The following ADGRL2 variants were observed in gnomAD, a reference collection of about 807,000 sequenced individuals.
The protein encoded by ADGRL2 is calcium-independent alpha-latrotoxin receptor 2.
Under a neutral mutation model 157.4 loss-of-function variants are expected in ADGRL2, and 44 were observed. The observed-to-expected ratio is 0.28, with a 90% CI of 0.22 to 0.36. The LOEUF is 0.36. ADGRL2 is among the 10% of genes least tolerant of loss of function. The probability of loss-of-function intolerance (pLI) is 1.00; values close to 1 mark genes in which losing one functional copy is unlikely to be tolerated. For synonymous variants in ADGRL2, 585 were observed against 624.7 expected, an observed-to-expected ratio of 0.94 and a Z score of 0.95; for missense variants, 1,510 against 1,768.9, an observed-to-expected ratio of 0.85 and a Z score of 2.63.
At chr1:81,940,936 GT>G (rs5775651) in intron 4 of ADGRL2, among the ~76,000 whole-genome samples, 86,756 of 144,388 alleles carry the variant, frequency 0.6, 26,048 homozygotes, top group East Asian at 0.92. Flanking sequence ...TGTAGGAGTT[GT>G]TTTTTTTTTT....
rs140569811 is a variant in ADGRL2 at position 81,466,144 on chromosome 1, T to C, written c.-248+21055T>C. ...AGAAGACCATTATGGCTGCTTTGTC[T>C]AATGGCAAAATATTACATGGCCTAA... On this transcript the variant is annotated intron_variant, in intron 2 of 24. Coordinates refer to the ADGRL2 transcript ENST00000370721. Among the ~76,000 whole-genome samples, 1,312 of 152,346 alleles carry C rather than the reference T, an allele frequency of 8.6e-3. 21 individuals are homozygous for C. Among genetic ancestry groups the C allele is most frequent in the African/African-American group, 0.03 (1,240 of 41,588 alleles).
Position 81,515,508 on chromosome 1 carries a change from T to C in ADGRL2, c.-247-65368T>C, listed in dbSNP as rs536679974. Among the ~76,000 whole-genome samples the C allele has an allele frequency of 2.0e-5, 3 of 152,274 alleles. No homozygotes were observed. The South Asian group carries it at 6.2e-4, about 32-fold the overall frequency. ...ATAACAGTGTTCTGACATTTATTTA[T>C]GACAGTGTCTGTATAGACAGTATAG... On this transcript the variant is annotated intron_variant, in intron 2 of 24. Coordinates refer to the ADGRL2 transcript ENST00000370721.
chr1:81,720,916 T>G (rs149376438), intron 1 of ADGRL2, among the ~76,000 whole-genome samples: 9,857 of 149,976 alleles, frequency 0.066, 455 homozygotes, highest in Non-Finnish European at 0.093. Flanking sequence ...GTTTTATATA[T>G]TAACATAAAT....
chr1:81,903,536 C>T (rs188229577), intron 2 of ADGRL2, among the ~76,000 whole-genome samples: 1 of 151,898 alleles, frequency 6.6e-6, no homozygotes, highest in African/African-American at 2.4e-5. Context: ...TAGTTTCATA[C>T]TCTGTAAAAT....
chr1:81,512,695 A>T (rs78404979), intron 2 of ADGRL2, among the ~76,000 whole-genome samples: 1 of 152,020 alleles, frequency 6.6e-6, no homozygotes, highest in Admixed American at 6.6e-5. Context: ...CAGTAGGGGG[A>T]AAAAATACCC....
chr1:81,335,840 A>C (rs1661600810), intron 1 of ADGRL2, among the ~76,000 whole-genome samples: 2 of 151,924 alleles, frequency 1.3e-5, no homozygotes, highest in Non-Finnish European at 2.9e-5. Context: ...TGTTTAAAAA[A>C]AAAAAAAACA....
chr1:81,517,210 C>T (rs1557751600), intron 2 of ADGRL2, among the ~76,000 whole-genome samples: 2 of 151,940 alleles, frequency 1.3e-5, no homozygotes, highest in Non-Finnish European at 2.9e-5. Context: ...CGGTGGCTCA[C>T]GCCTGTAATC....
chr1:81,496,864 CT>C (rs1320910013), intron 2 of ADGRL2, among the ~76,000 whole-genome samples: 1 of 152,122 alleles, frequency 6.6e-6, no homozygotes, highest in Non-Finnish European at 1.5e-5. Flanking sequence ...TGGGAAACAA[CT>C]GTTTAACACA....
intron 1 of ADGRL2, among the ~76,000 whole-genome samples, chr1:81,435,453 G>A (rs979531279): frequency 2.6e-5 from 4 of 152,164 alleles, no homozygotes; most frequent in South Asian, 2.1e-4. Flanking sequence ...GCTGATTGTC[G>A]AGAGTTCAAT....
At chr1:81,706,486 G>T (rs1164319016) in intron 1 of ADGRL2, among the ~76,000 whole-genome samples, 1 of 152,200 alleles carries the variant, frequency 6.6e-6, no homozygotes, top group Admixed American at 6.5e-5. Context: ...TGTCTTTCCA[G>T]AGAAGAGCAG....
intron 1 of ADGRL2, among the ~76,000 whole-genome samples, chr1:81,441,022 C>T (rs1186729125): frequency 6.6e-6 from 1 of 152,046 alleles, no homozygotes; most frequent in Non-Finnish European, 1.5e-5. Context: ...ACACATGTTT[C>T]TCTCTCTCCC....
At chr1:81,808,891 G>A (rs1433896140) in intron 1 of ADGRL2, among the ~76,000 whole-genome samples, 2 of 152,172 alleles carry the variant, frequency 1.3e-5, no homozygotes, top group African/African-American at 4.8e-5. Flanking sequence ...AAAGCCACCG[G>A]CTGTTTTTAG....
intron 2 of ADGRL2, chr1:81,502,832 C>T (rs2078883578): frequency 6.2e-7 from 1 of 1,612,544 alleles, no homozygotes; most frequent in Non-Finnish European, 8.5e-7. Context: ...GCTGCCGCTG[C>T]CGAGGCCCCT....
chr1:81,731,902 G>A (rs1363329623), intron 1 of ADGRL2, among the ~76,000 whole-genome samples: 1 of 152,156 alleles, frequency 6.6e-6, no homozygotes, highest in African/African-American at 2.4e-5. Context: ...TCAGCTATAG[G>A]GTTGATAATC....
chr1:81,416,801 A>G (rs1025844441), intron 1 of ADGRL2, among the ~76,000 whole-genome samples: 3 of 152,172 alleles, frequency 2.0e-5, no homozygotes, highest in Non-Finnish European at 4.4e-5. Flanking sequence ...CCAAGTAGTC[A>G]TATAGGTGAA....
Position 81,951,030 on chromosome 1 carries a change from A to G in ADGRL2, c.1517A>G (p.Tyr506Cys). Residue 506 changes from tyrosine (Y) to cysteine (C), a missense_variant, in exon 8 of 24, where the codon TAT becomes TGT. Around this residue, in one of 4 missense-constraint regions of ADGRL2, gnomAD observed 325 missense variants for 333.2 expected, o/e 0.98. Transcript: ENST00000686636. ...ACATCTGTTGTAGGAACTGCCTCAT[A>G]TCTCTGCATGATTTCCACTGGAACA... ...CPKGTRGTAS[Y>C]LCMISTGTWN... 2 of 1,611,652 alleles carry G rather than the reference A, an allele frequency of 1.2e-6. No individual in the cohort carries two copies. The highest frequency in any genetic ancestry group is 1.7e-6 in the Non-Finnish European group (2 of 1,177,882).
At chr1:81,562,617 A>G (rs2080469419) in intron 2 of ADGRL2, among the ~76,000 whole-genome samples, 2 of 152,064 alleles carry the variant, frequency 1.3e-5, no homozygotes, top group Non-Finnish European at 2.9e-5. Flanking sequence ...ACTACTTCCC[A>G]GTAGATTTTT....
intron 2 of ADGRL2, among the ~76,000 whole-genome samples, chr1:81,904,149 TG>T (rs1311903001): frequency 1.3e-5 from 2 of 152,150 alleles, no homozygotes; most frequent in Non-Finnish European, 2.9e-5. Context: ...TTATGTATCA[TG>T]TGCTATTGTA....
At chr1:81,566,963 A>G (rs985016133) in intron 2 of ADGRL2, among the ~76,000 whole-genome samples, 3 of 152,182 alleles carry the variant, frequency 2.0e-5, no homozygotes, top group African/African-American at 7.2e-5. Flanking sequence ...TCATCTGAGC[A>G]GCTCAACTTT....
Sources: gnomAD v4.1 joint callset for allele counts (sites outside exome capture counted in the v4.1 genomes callset) on GRCh38, gnomAD v4.1.1 for gene constraint, gnomAD v4.1.1 regional missense constraint, MANE v1.5 for transcripts, NCBI Gene and HGNC (gene_info 2026-07-23, HGNC 2026-07-21) for gene names.